G3BP2: variants seen among roughly 807,000 people sequenced by gnomAD.
G3BP2 encodes G3BP stress granule assembly factor 2.
A neutral mutation model predicts 56.7 loss-of-function variants in G3BP2; 11 were observed. The ratio of observed to expected loss-of-function variants is 0.19; its 90% CI spans 0.12 to 0.32. The LOEUF (loss-of-function observed/expected upper bound fraction) is 0.32. Among genes scored for constraint, G3BP2 ranks in the 10% least tolerant of loss-of-function variants. The pLI, the probability that G3BP2 is intolerant of heterozygous loss-of-function variation, is 1.00. For missense variants in G3BP2, 340 were observed against 610.9 expected (o/e 0.56, Z 4.67); for synonymous variants, 165 against 191.6 (o/e 0.86, Z 1.15).
Position 75,656,955 on chromosome 4 carries a change from C to T in G3BP2, c.411G>A (p.Val137=). 6.5e-7 allele frequency: 1 copy of T among 1,550,370 alleles called. No homozygotes were observed. Residue 137 remains valine, a synonymous_variant, in exon 5 of 12, where the codon GTG becomes GTA. Coordinates refer to ENST00000359707, the MANE Select transcript of G3BP2 (RefSeq NM_203505.3). ...HNDMFRYEDE[V]FGDSEPELDE... Reference sequence around the variant, plus strand: ...CAAGTTCAGGCTCAGAATCACCAAACACTTCATCTTCATAACGAAACATAT... The same window carrying T: ...CAAGTTCAGGCTCAGAATCACCAAATACTTCATCTTCATAACGAAACATAT...
intron 3 of G3BP2, among the ~76,000 whole-genome samples, chr4:75,682,144 C>T (rs956625365): frequency 1.3e-5 from 2 of 151,838 alleles, no homozygotes; most frequent in African/African-American, 4.8e-5. Context: ...TGGCCAGGTG[C>T]GGTGGCTCAT....
intron 1 of G3BP2, among the ~76,000 whole-genome samples, chr4:75,667,486 T>C (rs1439180074): frequency 6.6e-6 from 1 of 152,152 alleles, no homozygotes; most frequent in Non-Finnish European, 1.5e-5. Flanking sequence ...CACCTGAAAA[T>C]GTGAAGAATC....
chr4:75,722,444 T>A (rs1201371801), intron 1 of G3BP2, among the ~76,000 whole-genome samples: 1 of 152,190 alleles, frequency 6.6e-6, no homozygotes, highest in Non-Finnish European at 1.5e-5. Context: ...GCACTCTTTT[T>A]AATTATTAAA....
intron 3 of G3BP2, among the ~76,000 whole-genome samples, chr4:75,700,255 C>T (rs1406398558): frequency 6.6e-6 from 1 of 151,098 alleles, no homozygotes; most frequent in Non-Finnish European, 1.5e-5. Context: ...GGTTTGACCA[C>T]GTTGGCTAGG....
intron 3 of G3BP2, among the ~76,000 whole-genome samples, chr4:75,682,414 C>CAAAAAA (rs34067467): frequency 1.0e-5 from 1 of 100,274 alleles, no homozygotes; most frequent in Non-Finnish European, 2.1e-5. Context: ...GACTCCGTCT[C>CAAAAAA]AAAAAAAAAA....
chr4:75,673,025 G>A, intron 1 of G3BP2, 183 bp downstream of exon 1: 3 of 990,334 alleles, frequency 3.0e-6, no homozygotes, highest in Non-Finnish European at 3.6e-6. Context: ...TCACCTAGAG[G>A]AAAGACTGGT....
At chr4:75,704,400 T>C (rs1394324506) in intron 3 of G3BP2, among the ~76,000 whole-genome samples, 1 of 147,456 alleles carries the variant, frequency 6.8e-6, no homozygotes. Context: ...TCACTGCAGC[T>C]TGGAACTCCT....
intron 5 of G3BP2, 25 bp from the exon 6 acceptor site, chr4:75,655,895 C>A (rs1307711465): frequency 1.7e-6 from 2 of 1,166,550 alleles, no homozygotes; most frequent in East Asian, 2.3e-5. Flanking sequence ...TACAGCACAT[C>A]TTTTTTAAAG....
chr4:75,674,720 T>TATATATA (rs33996257), upstream of G3BP2, among the ~76,000 whole-genome samples: 97 of 54,478 alleles, frequency 1.8e-3, no homozygotes, highest in Admixed American at 2.5e-3. Context: ...ATATATATAT[T>TATATATA]TTTTTTTTTT....
intron 3 of G3BP2, among the ~76,000 whole-genome samples, chr4:75,709,112 A>G (rs1453651806): frequency 6.6e-6 from 1 of 151,046 alleles, no homozygotes; most frequent in African/African-American, 2.4e-5. Flanking sequence ...GTCTGAAACA[A>G]TAACAACAAC....
intron 3 of G3BP2, among the ~76,000 whole-genome samples, chr4:75,719,255 G>A (rs922380850): frequency 6.7e-6 from 1 of 149,062 alleles, no homozygotes; most frequent in Admixed American, 6.7e-5. Flanking sequence ...GGCTGAGGCA[G>A]GAGAATGGTG....
intron 3 of G3BP2, among the ~76,000 whole-genome samples, chr4:75,707,702 A>G (rs1241299300): frequency 6.6e-6 from 1 of 152,182 alleles, no homozygotes; most frequent in Non-Finnish European, 1.5e-5. Context: ...TAACAAATCA[A>G]TGTAGAAAAA....
At chr4:75,655,920 C>A (rs1009474504) in intron 5 of G3BP2, 50 bp from the exon 6 acceptor site, 2 of 940,760 alleles carry the variant, frequency 2.1e-6, no homozygotes, top group African/African-American at 3.3e-5. Flanking sequence ...TTCACAATTT[C>A]TAACGGACAT....
At chr4:75,706,424 T>C (rs1420805638) in intron 3 of G3BP2, among the ~76,000 whole-genome samples, 2 of 152,344 alleles carry the variant, frequency 1.3e-5, no homozygotes, top group African/African-American at 4.8e-5. Context: ...GCTTGAATCC[T>C]GAGCTCTGCC....
At chr4:75,681,101 A>G (rs1040168945) in intron 3 of G3BP2, among the ~76,000 whole-genome samples, 5 of 151,588 alleles carry the variant, frequency 3.3e-5, no homozygotes, top group Non-Finnish European at 5.9e-5. Flanking sequence ...AGGTGGGTGG[A>G]TCACCTGAGG....
upstream of G3BP2, chr4:75,673,772 TATTAATG>T (rs1733718910): frequency 2.4e-6 from 1 of 418,116 alleles, no homozygotes; most frequent in Non-Finnish European, 3.9e-6. Context: ...TGGTCCTTTT[TATTAATG>T]GGAAGGAGGG....
rs960042398 is a variant in G3BP2, at chr4:75,692,947, T to C, written c.-25+27930A>G. Among the ~76,000 whole-genome samples the C allele has an allele frequency of 2.0e-5, 3 of 152,126 alleles. 1 individual carries two copies. Among genetic ancestry groups the C allele is most frequent in the Admixed American group, 2.0e-4 (3 of 15,264 alleles). On this transcript the variant is annotated intron_variant, in intron 3 of 3. Coordinates refer to the G3BP2 transcript ENST00000499709. Reference sequence around the variant, plus strand: ...ACGTTTCTGAACTGATTGCTGGCTTTTAAAATCGAGAAATTTCAGCCAGGC... The same window carrying C: ...ACGTTTCTGAACTGATTGCTGGCTTCTAAAATCGAGAAATTTCAGCCAGGC...
intron 6 of G3BP2, 62 bp from the exon 7 acceptor site, chr4:75,655,308 T>C: frequency 8.2e-7 from 1 of 1,219,926 alleles, no homozygotes; most frequent in Non-Finnish European, 1.2e-6. Context: ...ATTCAATTTC[T>C]CTCTAATCCA....
chr4:75,678,143 T>TTTGTTG (rs34746702), upstream of G3BP2, among the ~76,000 whole-genome samples: 13 of 151,848 alleles, frequency 8.6e-5, no homozygotes, highest in South Asian at 2.1e-4. Flanking sequence ...GAAGGGTGGT[T>TTTGTTG]TTGTTGTTGT....
Sources: allele counts gnomAD v4.1 joint callset (sites outside exome capture counted in the v4.1 genomes callset), GRCh38; gene constraint gnomAD v4.1.1; transcripts MANE v1.5; gene names NCBI Gene and HGNC (gene_info 2026-07-23, HGNC 2026-07-21).